The following OTOP1 variants were observed in gnomAD, a reference collection of about 807,000 sequenced individuals.
The protein encoded by OTOP1 is otopetrin 1, also known as proton channel OTOP1.
OTOP1 carries 59 observed loss-of-function variants against 52.9 expected under a neutral mutation model. The observed-to-expected ratio is 1.12, with a 90% confidence interval of 0.91 to 1.39. The LOEUF (loss-of-function observed/expected upper bound fraction) is 1.39, where lower values mean the gene tolerates loss of function less well. Among genes scored for constraint, OTOP1 ranks in the 40% most tolerant of loss-of-function variants. The pLI is 0.00. For missense variants in OTOP1, 761 were observed against 800.9 expected (o/e 0.95, Z 0.60); for synonymous variants, 317 against 337.7 (o/e 0.94, Z 0.67).
At chr4:4,226,300 G>GA (rs71227269) in intron 1 of OTOP1, among the ~76,000 whole-genome samples, 162 bp downstream of exon 1, 2 of 74,088 alleles carry the variant, frequency 2.7e-5, no homozygotes, top group Non-Finnish European at 4.8e-5. Flanking sequence ...GAGAGAGAGA[G>GA]GAAAGGAAGG....
In OTOP1 at chr4:4,202,445, C is replaced by T; in HGVS notation, c.730+3G>A. The T allele has an allele frequency of 6.2e-7, 1 of 1,613,628 alleles. No homozygotes were observed. Among genetic ancestry groups the T allele is most frequent in the Non-Finnish European group, 8.5e-7 (1 of 1,179,690 alleles). On this transcript the variant is annotated splice_donor_region_variant and intron_variant, in intron 4 of 5. Coordinates refer to ENST00000296358, the MANE Select transcript of OTOP1 (RefSeq NM_177998.3). The stretch of plus-strand genomic sequence containing the variant: ...AGGGCCACTCACCTCTCTCACCACT[C>T]ACCTGTTGTTATGTTCCCAAAACCC...
At chr4:4,222,400 C>A (rs1394436750) in intron 1 of OTOP1, among the ~76,000 whole-genome samples, 7 of 152,090 alleles carry the variant, frequency 4.6e-5, no homozygotes, top group Non-Finnish European at 7.4e-5. Context: ...ATCCTTCTCT[C>A]TTCTGGACTG....
intron 2 of OTOP1, among the ~76,000 whole-genome samples, chr4:4,210,318 T>C (rs1716998975): frequency 6.6e-6 from 1 of 152,214 alleles, no homozygotes; most frequent in Non-Finnish European, 1.5e-5. Context: ...GAGCAGCCAG[T>C]TATCTTTGAT....
chr4:4,226,887 C>G lies in OTOP1; in HGVS notation c.-23G>C. On this transcript the variant is annotated 5_prime_UTR_variant, in exon 1 of 6. Coordinates refer to ENST00000296358, the MANE Select transcript of OTOP1 (RefSeq NM_177998.3). ...CATCTTCGAGACACCCGCGCCAAGT[C>G]TGGTCCCGGGGGTGGCTGCCGTCGG... 1.5e-6 allele frequency: 2 copies of G among 1,310,562 alleles called. No individual in the cohort carries two copies. The highest frequency in any genetic ancestry group is 1.9e-6 in the Non-Finnish European group (2 of 1,033,136). The allele number at this position is 1,310,562 out of a possible 1,614,324, so 81.2% of individuals were successfully genotyped here.
At chr4:4,196,673 A>G (rs994166090) in intron 5 of OTOP1, among the ~76,000 whole-genome samples, 1 of 152,160 alleles carries the variant, frequency 6.6e-6, no homozygotes, top group African/African-American at 2.4e-5. Context: ...AGCTGCAGTG[A>G]GCTGTGATCA....
At chr4:4,219,460 G>A (rs1717223166) in intron 1 of OTOP1, among the ~76,000 whole-genome samples, 1 of 152,126 alleles carries the variant, frequency 6.6e-6, no homozygotes, top group African/African-American at 2.4e-5. Flanking sequence ...CCAGCACTTT[G>A]GGAGGCCGAG....
chr4:4,205,314 C>A (rs1197311154), intron 3 of OTOP1, among the ~76,000 whole-genome samples: 3 of 152,196 alleles, frequency 2.0e-5, no homozygotes, highest in Non-Finnish European at 2.9e-5. Flanking sequence ...CTCTACAATA[C>A]TGAAGATTAT....
intron 1 of OTOP1, among the ~76,000 whole-genome samples, chr4:4,220,852 C>T (rs368722983): frequency 0.026 from 4,008 of 152,052 alleles, 164 homozygotes; most frequent in African/African-American, 0.091. Flanking sequence ...CTTGAACCCC[C>T]CTCTTAGAGG....
chr4:4,214,285 A>G (rs1717088416), intron 1 of OTOP1, among the ~76,000 whole-genome samples: 1 of 152,202 alleles, frequency 6.6e-6, no homozygotes, highest in African/African-American at 2.4e-5. Flanking sequence ...CTATCAAAAA[A>G]AAAGAAAGAA....
chr4:4,216,095 G>A (rs1422869244), intron 1 of OTOP1, among the ~76,000 whole-genome samples: 1 of 151,940 alleles, frequency 6.6e-6, no homozygotes, highest in African/African-American at 2.4e-5. Context: ...CACTGAGCCC[G>A]GCTGAAAGTA....
rs191618705 is a variant in OTOP1, at chr4:4,206,578, G to T, written c.541-448C>A. Among the ~76,000 whole-genome samples the T allele has an allele frequency of 7.6e-4, 116 of 152,328 alleles. 1 individual carries two copies. Among genetic ancestry groups the T allele is most frequent in the Admixed American group, 7.5e-3 (115 of 15,294 alleles). On this transcript the variant is annotated intron_variant, in intron 2 of 5. Transcript: ENST00000296358. ...TTTAAATAAATAATGAAATTGATTTGGGCTGGTCTTTTGTTTCACTCTATT... is the reference window on the plus strand; with the variant it reads ...TTTAAATAAATAATGAAATTGATTTTGGCTGGTCTTTTGTTTCACTCTATT...
chr4:4,201,471 T>TACACAC (rs762922216), intron 4 of OTOP1, among the ~76,000 whole-genome samples: 271 of 140,838 alleles, frequency 1.9e-3, no homozygotes, highest in Middle Eastern at 3.5e-3. Flanking sequence ...TATATATATA[T>TACACAC]ACACACACAC....
At chr4:4,211,985 C>A (rs916127769) in intron 2 of OTOP1, among the ~76,000 whole-genome samples, 2 of 151,586 alleles carry the variant, frequency 1.3e-5, no homozygotes, top group African/African-American at 4.9e-5. Context: ...CTTACCATAC[C>A]CAAAAAAAGA....
intron 3 of OTOP1, among the ~76,000 whole-genome samples, chr4:4,205,724 G>A (rs1319816716): frequency 3.3e-5 from 5 of 152,118 alleles, no homozygotes; most frequent in Admixed American, 6.5e-5. Flanking sequence ...TTTGTTTTCA[G>A]GACAGCACCT....
chr4:4,204,919 C>T (rs1328229695), intron 3 of OTOP1, among the ~76,000 whole-genome samples: 25 of 152,102 alleles, frequency 1.6e-4, no homozygotes, highest in South Asian at 8.3e-4. Flanking sequence ...TACAGGCGCC[C>T]ACCACCACAC....
chr4:4,207,737 C>G (rs1228572908), intron 2 of OTOP1, among the ~76,000 whole-genome samples: 1 of 152,014 alleles, frequency 6.6e-6, no homozygotes, highest in African/African-American at 2.4e-5. Flanking sequence ...AGTGGATGAT[C>G]AAAATGTAAT....
rs1378821890 is a variant in OTOP1 at position 4,226,838 on chromosome 4, G to A, written c.27C>T (p.Ala9=). The A allele has an allele frequency of 4.1e-5, 55 of 1,347,658 alleles. No homozygotes were observed. Among genetic ancestry groups the A allele is most frequent in the Non-Finnish European group, 4.9e-5 (52 of 1,055,480 alleles). The allele number at this position is 1,347,658 out of a possible 1,614,324, so 83.5% of individuals were successfully genotyped here. Residue 9 remains alanine (A), a synonymous_variant, in exon 1 of 6, where the codon GCC becomes GCT. Coordinates refer to ENST00000296358, the MANE Select transcript of OTOP1 (RefSeq NM_177998.3). The stretch of plus-strand genomic sequence containing the variant: ...AGGCGCTTGCAGCTGCCCGGGGCGA[G>A]GCGGGCGACCCCAGGCCCTCGAGCA... MLEGLGSP[A]SPRAAASASV...
At position 4,226,665 on chromosome 4, in the gene OTOP1, A is replaced by C; in HGVS notation, c.200T>G (p.Leu67Arg). The C allele has an allele frequency of 6.4e-7, 1 of 1,568,784 alleles. No homozygotes were observed. Residue 67 changes from leucine (L) to arginine (R), a missense_variant, in exon 1 of 6, where the codon CTG becomes CGG. Physicochemically the swap from Leu to Arg is moderately radical, Grantham distance 102 (BLOSUM62 -2). This residue lies in a region of OTOP1 where 56 missense variants were observed against 105.6 expected (regional missense o/e 0.53). Transcript: ENST00000296358. Reference protein sequence around the residue: ...LAEMLSSQYGLIVFVAGLLLL... With the variant: ...LAEMLSSQYGRIVFVAGLLLL... ...CAGCAGCCCCGCCACGAACACGATCAGCCCATACTGGCTGCTCAGCATCTC... is the reference window on the plus strand; with the variant it reads ...CAGCAGCCCCGCCACGAACACGATCCGCCCATACTGGCTGCTCAGCATCTC...
At chr4:4,226,394 A>AG in intron 1 of OTOP1, 68 bp downstream of exon 1, 1 of 1,339,480 alleles carries the variant, frequency 7.5e-7, no homozygotes, top group Non-Finnish European at 9.6e-7. Context: ...GGAAGGGCGC[A>AG]GAGCAGCCTC....
Sources: gnomAD v4.1 joint callset for allele counts (sites outside exome capture counted in the v4.1 genomes callset) on GRCh38, gnomAD v4.1.1 for gene constraint, gnomAD v4.1.1 regional missense constraint, MANE v1.5 for transcripts, NCBI Gene and HGNC (gene_info 2026-07-23, HGNC 2026-07-21) for gene names.